Variants in SPAG16 observed in about 807,000 individuals in gnomAD.
The protein encoded by SPAG16 is sperm-associated antigen 16 protein.
SPAG16 carries 86 observed loss-of-function variants against 80.4 expected under a neutral mutation model. The observed-to-expected ratio is 1.07, with a 90% confidence interval of 0.90 to 1.28. The LOEUF (loss-of-function observed/expected upper bound fraction) is 1.28, where lower values mean the gene tolerates loss of function less well. Ranked by LOEUF, SPAG16 falls within the 50% of genes most tolerant of loss-of-function variation. SPAG16 has a pLI of 0.00. For missense variants in SPAG16, 870 were observed against 765.3 expected (o/e 1.14, Z -1.61); for synonymous variants, 294 against 265.9 (o/e 1.11, Z -1.03).
intron 10 of SPAG16, among the ~76,000 whole-genome samples, chr2:213,526,636 G>T (rs2075897325): frequency 6.6e-6 from 1 of 152,092 alleles, no homozygotes; most frequent in Non-Finnish European, 1.5e-5. Context: ...ACCATATTTT[G>T]TTCCCTCTTG....
In SPAG16 at chr2:213,728,875, T is replaced by TC. The variant is rs1559415807; in HGVS notation, c.1071-133609dup. Among the ~76,000 whole-genome samples the TC allele has an allele frequency of 8.5e-5, 3 of 35,298 alleles. No homozygotes were observed. In the East Asian group the frequency reaches 2.2e-3, roughly 26 times the overall value. The allele number at this position is 35,298 out of a possible 152,430, so 23.2% of individuals were successfully genotyped here. Reference sequence around the variant, plus strand: ...CTGGGCGACAGAGTGAGACTCCGTCTCAAAAAAAAAAAAAAAAAAAAAAAA... The same window carrying TC: ...CTGGGCGACAGAGTGAGACTCCGTCTCCAAAAAAAAAAAAAAAAAAAAAAAA... On this transcript the variant is annotated intron_variant, in intron 10 of 15. Coordinates refer to ENST00000331683, the MANE Select transcript of SPAG16 (RefSeq NM_024532.5).
At chr2:214,049,289 A>G (rs2049511462) in intron 13 of SPAG16, among the ~76,000 whole-genome samples, 1 of 152,218 alleles carries the variant, frequency 6.6e-6, no homozygotes, top group African/African-American at 2.4e-5. Flanking sequence ...GATCTTGATC[A>G]CATGAACCGA....
chr2:214,132,772 ATT>A (rs2054843110), intron 14 of SPAG16, among the ~76,000 whole-genome samples: 1 of 152,142 alleles, frequency 6.6e-6, no homozygotes, highest in South Asian at 2.1e-4. Context: ...GGCAGGTCAA[ATT>A]TACATTTGAG....
At chr2:213,350,148 T>TC (rs1559440608) in intron 6 of SPAG16, among the ~76,000 whole-genome samples, 1 of 152,220 alleles carries the variant, frequency 6.6e-6, no homozygotes, top group Non-Finnish European at 1.5e-5. Context: ...TGAATGACAC[T>TC]CCATGTTTAA....
chr2:213,847,119 T>A (rs1282829719), intron 10 of SPAG16, among the ~76,000 whole-genome samples: 4 of 152,066 alleles, frequency 2.6e-5, no homozygotes, highest in Non-Finnish European at 4.4e-5. Flanking sequence ...ATGCTTTGAG[T>A]CTCTCTGACC....
intron 6 of SPAG16, among the ~76,000 whole-genome samples, chr2:213,346,398 G>A (rs905560022): frequency 6.6e-6 from 1 of 152,102 alleles, no homozygotes; most frequent in Non-Finnish European, 1.5e-5. Flanking sequence ...GATTGCCCTG[G>A]CCAGAACTTC....
intron 10 of SPAG16, among the ~76,000 whole-genome samples, chr2:213,575,759 A>C (rs1164550691): frequency 6.6e-6 from 1 of 152,176 alleles, no homozygotes; most frequent in Admixed American, 6.6e-5. Context: ...TAGTCAATAC[A>C]ATGCAATGGA....
chr2:214,380,309 G>A (rs926106637), intron 15 of SPAG16, among the ~76,000 whole-genome samples: 7 of 152,134 alleles, frequency 4.6e-5, no homozygotes, highest in South Asian at 4.1e-4. Context: ...ATGTTTGTTA[G>A]CATTTGAAAA....
intron 13 of SPAG16, among the ~76,000 whole-genome samples, chr2:214,082,282 T>A (rs1322068810): frequency 4.6e-5 from 7 of 152,130 alleles, no homozygotes; most frequent in Non-Finnish European, 8.8e-5. Flanking sequence ...TCCACTCAAC[T>A]CTGTTTTTCC....
At chr2:213,391,534 A>G (rs1388371853) in intron 9 of SPAG16, among the ~76,000 whole-genome samples, 1 of 152,194 alleles carries the variant, frequency 6.6e-6, no homozygotes, top group African/African-American at 2.4e-5. Flanking sequence ...TTCCATCTCT[A>G]TAAACTGGGA....
chr2:213,577,824 A>T (rs113809036), intron 10 of SPAG16, among the ~76,000 whole-genome samples: 9 of 152,238 alleles, frequency 5.9e-5, no homozygotes, highest in African/African-American at 2.2e-4. Context: ...GAGACTTCTG[A>T]GATATTGAAA....
At chr2:214,104,592 T>C (rs1320656856) in intron 13 of SPAG16, among the ~76,000 whole-genome samples, 1 of 149,346 alleles carries the variant, frequency 6.7e-6, no homozygotes, top group Non-Finnish European at 1.5e-5. Flanking sequence ...GAAAAAGAGG[T>C]ATTCTTATTC....
chr2:214,101,656 T>A (rs1390759202), intron 13 of SPAG16, among the ~76,000 whole-genome samples: 1 of 152,100 alleles, frequency 6.6e-6, no homozygotes, highest in East Asian at 1.9e-4. Context: ...CACTCCATCT[T>A]CTTGCACATA....
chr2:214,060,319 T>C (rs1401637769), intron 13 of SPAG16, among the ~76,000 whole-genome samples: 2 of 152,154 alleles, frequency 1.3e-5, no homozygotes, highest in African/African-American at 4.8e-5. Context: ...TCCCAAACAT[T>C]CCTTATTTTG....
intron 7 of SPAG16, among the ~76,000 whole-genome samples, chr2:213,360,650 A>G (rs2065927986): frequency 6.6e-6 from 1 of 152,226 alleles, no homozygotes; most frequent in Non-Finnish European, 1.5e-5. Context: ...CTAATCAGGT[A>G]TATCCTGGGT....
At chr2:213,543,996 G>A (rs894589634) in intron 10 of SPAG16, among the ~76,000 whole-genome samples, 1 of 151,976 alleles carries the variant, frequency 6.6e-6, no homozygotes, top group African/African-American at 2.4e-5. Context: ...CTCAATGAAA[G>A]TCTTGTGCAT....
intron 10 of SPAG16, among the ~76,000 whole-genome samples, chr2:213,810,804 G>C (rs909859415): frequency 6.6e-6 from 1 of 152,332 alleles, no homozygotes; most frequent in East Asian, 1.9e-4. Context: ...TTTGGTTGCA[G>C]AACTGGCTGA....
chr2:214,272,685 G>C (rs150072513), intron 15 of SPAG16, among the ~76,000 whole-genome samples: 2 of 152,122 alleles, frequency 1.3e-5, no homozygotes, highest in African/African-American at 2.4e-5. Context: ...TTAATCCAGT[G>C]TATCACTGAT....
chr2:213,543,050 T>C lies in SPAG16; in HGVS notation c.1070+52960T>C, dbSNP rs199513852. On this transcript the variant is annotated intron_variant, in intron 10 of 15. Coordinates refer to ENST00000331683, the MANE Select transcript of SPAG16 (RefSeq NM_024532.5). ...ACAAAAATGAGTGATGGTTCATTGC[T>C]ACAAATTTTCCAAATGTTTAAAAGA... is the stretch of plus-strand genomic sequence containing the variant. Among the ~76,000 whole-genome samples the C allele has an allele frequency of 7.9e-5, 12 of 152,214 alleles. No individual in the cohort carries two copies. The East Asian group carries it at 2.3e-3, about 29-fold the overall frequency.
Sources: gnomAD v4.1 joint callset for allele counts (sites outside exome capture counted in the v4.1 genomes callset) on GRCh38, gnomAD v4.1.1 for gene constraint, MANE v1.5 for transcripts, NCBI Gene and HGNC (gene_info 2026-07-23, HGNC 2026-07-21) for gene names.